PDE4D: variants seen among roughly 807,000 people sequenced by gnomAD.
PDE4D encodes the protein phosphodiesterase 4D.
A neutral mutation model predicts 87.4 loss-of-function variants in PDE4D; 24 were observed. That is an observed-to-expected ratio of 0.27 (90% CI 0.20 to 0.39). The LOEUF is 0.39. Ranked by LOEUF, PDE4D falls within the 10% of genes least tolerant of loss-of-function variation. PDE4D has a pLI of 1.00. For missense variants in PDE4D, 714 were observed against 1,041.0 expected (o/e 0.69, Z 4.32); for synonymous variants, 384 against 383.2 (o/e 1.00, Z -0.02).
intron 2 of PDE4D, among the ~76,000 whole-genome samples, chr5:60,017,049 A>G (rs953999809): frequency 1.3e-5 from 2 of 152,216 alleles, no homozygotes; most frequent in Non-Finnish European, 2.9e-5. Context: ...TGCAGAATGA[A>G]TGTTGTTTTT....
chr5:60,333,897 C>T (rs1325403843), intron 1 of PDE4D, among the ~76,000 whole-genome samples: 1 of 150,980 alleles, frequency 6.6e-6, no homozygotes, highest in Non-Finnish European at 1.5e-5. Context: ...AGAAAAAATA[C>T]GGAAATACAC....
intron 1 of PDE4D, among the ~76,000 whole-genome samples, chr5:60,397,556 C>T (rs1047943652): frequency 1.1e-4 from 17 of 152,182 alleles, no homozygotes; most frequent in Non-Finnish European, 2.2e-4. Context: ...AAACACTATA[C>T]CACATGGTTT....
chr5:59,677,039 T>C (rs922356087), intron 1 of PDE4D, among the ~76,000 whole-genome samples: 1 of 151,992 alleles, frequency 6.6e-6, no homozygotes, highest in African/African-American at 2.4e-5. Context: ...AAAGAAAATG[T>C]GGATGGCTTT....
intron 1 of PDE4D, among the ~76,000 whole-genome samples, chr5:59,334,542 G>GGCACTGT (rs1777338520): frequency 6.6e-6 from 1 of 152,056 alleles, no homozygotes; most frequent in Admixed American, 6.6e-5. Flanking sequence ...ACAGGTGTGA[G>GGCACTGT]GCACTGTGCC....
intron 1 of PDE4D, chr5:59,276,163 C>G: frequency 1.0e-6 from 1 of 979,668 alleles, no homozygotes; most frequent in African/African-American, 1.8e-5. Context: ...AGCGCCCAGC[C>G]TAGCCTCGTC....
At chr5:59,356,970 T>G in intron 1 of PDE4D, 1 of 1,203,064 alleles carries the variant, frequency 8.3e-7, no homozygotes. Context: ...ATTTCCTTTG[T>G]GCAGTGGTAT....
intron 5 of PDE4D, among the ~76,000 whole-genome samples, chr5:59,128,891 C>T (rs1343416283): frequency 6.6e-6 from 1 of 152,152 alleles, no homozygotes; most frequent in African/African-American, 2.4e-5. Flanking sequence ...ACCCTTCTAC[C>T]TTTAAGTGAG....
intron 1 of PDE4D, among the ~76,000 whole-genome samples, chr5:60,410,017 C>T (rs1024113510): frequency 6.6e-6 from 1 of 152,196 alleles, no homozygotes; most frequent in Non-Finnish European, 1.5e-5. Flanking sequence ...CCCTCTCAGG[C>T]TGCCCCATAC....
intron 2 of PDE4D, among the ~76,000 whole-genome samples, chr5:59,196,618 A>T (rs1171214402): frequency 1.3e-5 from 2 of 152,200 alleles, no homozygotes; most frequent in Admixed American, 6.5e-5. Context: ...AGAGCTAAAC[A>T]CTTCAGCATT....
At chr5:59,103,488 A>AG (rs915468885) in intron 5 of PDE4D, among the ~76,000 whole-genome samples, 1 of 139,786 alleles carries the variant, frequency 7.2e-6, no homozygotes, top group African/African-American at 2.7e-5. Flanking sequence ...GTCTTAAAAA[A>AG]GCAAAAAAAA....
intron 1 of PDE4D, among the ~76,000 whole-genome samples, chr5:59,723,789 A>T (rs16890137): frequency 6.6e-6 from 1 of 152,132 alleles, no homozygotes; most frequent in African/African-American, 2.4e-5. Context: ...TGCATTTGAC[A>T]TGACAGCTGG....
chr5:60,300,891 C>T lies in PDE4D; in HGVS notation c.-89-115204G>A, dbSNP rs544672220. Among the ~76,000 whole-genome samples the T allele has an allele frequency of 2.6e-5, 4 of 152,272 alleles. No individual in the cohort carries two copies. In the South Asian group the frequency reaches 8.3e-4, roughly 32 times the overall value. ...GTTCAAGCAATTCTTCTGGCTCAGC[C>T]TCCTGAGTACCTGGGATTACAGGTG... On this transcript the variant is annotated intron_variant, in intron 1 of 16. Coordinates refer to the PDE4D transcript ENST00000502484.
chr5:60,086,699 G>A (rs1365413032), intron 2 of PDE4D, among the ~76,000 whole-genome samples: 1 of 152,232 alleles, frequency 6.6e-6, no homozygotes, highest in Non-Finnish European at 1.5e-5. Context: ...ACTCAAGAGA[G>A]CAGGAGAAAT....
chr5:59,638,949 CT>C (rs2150182551), intron 1 of PDE4D, among the ~76,000 whole-genome samples: 1 of 152,204 alleles, frequency 6.6e-6, no homozygotes, highest in African/African-American at 2.4e-5. Context: ...GAAGCACTAT[CT>C]TTTGTAAAGG....
chr5:59,075,075 AACACACACACACACACAC>A (rs70973189), intron 5 of PDE4D, among the ~76,000 whole-genome samples: 2,379 of 129,874 alleles, frequency 0.018, 20 homozygotes, highest in Non-Finnish European at 0.025. Context: ...AAGCTTACAA[AACACACACACACACACAC>A]ACACACACAC....
At chr5:60,497,322 T>A (rs1471064204) in intron 1 of PDE4D, among the ~76,000 whole-genome samples, 1 of 107,552 alleles carries the variant, frequency 9.3e-6, no homozygotes, top group Non-Finnish European at 1.9e-5. Context: ...ATAATCACAA[T>A]GCTAATTGGG....
intron 2 of PDE4D, among the ~76,000 whole-genome samples, chr5:60,140,960 A>G (rs1475373120): frequency 2.6e-5 from 4 of 152,182 alleles, no homozygotes; most frequent in Admixed American, 2.6e-4. Flanking sequence ...ATAGACGCCA[A>G]AGCTAGGAAG....
chr5:59,425,783 T>C (rs2607347), intron 1 of PDE4D, among the ~76,000 whole-genome samples: 53,881 of 152,000 alleles, frequency 0.35, 10,548 homozygotes, highest in Non-Finnish European at 0.44. Context: ...GAGTCCACTT[T>C]TATGAACATG....
intron 1 of PDE4D, among the ~76,000 whole-genome samples, chr5:59,534,991 T>C (rs949911364): frequency 6.6e-6 from 1 of 150,612 alleles, no homozygotes; most frequent in African/African-American, 2.4e-5. Context: ...ATATTGGGTA[T>C]GATGCTTATT....
Sources: gnomAD v4.1 joint callset for allele counts (sites outside exome capture counted in the v4.1 genomes callset) on GRCh38, gnomAD v4.1.1 for gene constraint, MANE v1.5 for transcripts, NCBI Gene and HGNC (gene_info 2026-07-23, HGNC 2026-07-21) for gene names.